LOXL2: variants seen among roughly 807,000 people sequenced by gnomAD.
LOXL2 encodes the protein lysyl oxidase like 2, also known as lysyl oxidase homolog 2.
LOXL2 carries 70 observed loss-of-function variants against 93.0 expected under a neutral mutation model. The observed-to-expected ratio is 0.75, with a 90% CI of 0.62 to 0.92. The LOEUF is 0.92. Ranked by LOEUF, LOXL2 falls within the 40% of genes least tolerant of loss-of-function variation. The pLI is 0.00. For missense variants in LOXL2, 973 were observed against 1,054.9 expected (o/e 0.92, Z 1.08); for synonymous variants, 438 against 413.2 (o/e 1.06, Z -0.73).
At chr8:23,331,552 T>A (rs547783327) in intron 5 of LOXL2, 1 of 152,220 alleles carries the variant, frequency 6.6e-6, no homozygotes, top group East Asian at 1.9e-4. Flanking sequence ...CTCCCTCTCC[T>A]CTTCCCAGTT....
chr8:23,402,251 A>G (rs1351696563), intron 1 of LOXL2, among the ~76,000 whole-genome samples: 1 of 151,736 alleles, frequency 6.6e-6, no homozygotes, highest in Non-Finnish European at 1.5e-5. Flanking sequence ...ACACAAACAC[A>G]CTCGTGTGGA....
intron 3 of LOXL2, among the ~76,000 whole-genome samples, chr8:23,357,697 G>T (rs963232930): frequency 6.6e-5 from 10 of 151,578 alleles, no homozygotes; most frequent in Admixed American, 5.9e-4. Flanking sequence ...ATGCCAAGAA[G>T]GCTGGGTCTT....
intron 1 of LOXL2, among the ~76,000 whole-genome samples, chr8:23,381,001 T>C (rs1488767872): frequency 1.3e-5 from 2 of 151,842 alleles, no homozygotes; most frequent in South Asian, 4.1e-4. Flanking sequence ...AGAGACTCTG[T>C]CTCAGAAAAA....
chr8:23,380,391 CAAAAAAA>C (rs1219621037), intron 1 of LOXL2, among the ~76,000 whole-genome samples: 1 of 54,408 alleles, frequency 1.8e-5, no homozygotes, highest in South Asian at 7.1e-4. Context: ...GACTCCGTCT[CAAAAAAA>C]AAAAAAAAAA....
chr8:23,330,207 G>A (rs1467407842), intron 5 of LOXL2, among the ~76,000 whole-genome samples: 3 of 152,190 alleles, frequency 2.0e-5, no homozygotes, highest in Admixed American at 6.5e-5. Context: ...GGTGGCGGGT[G>A]CCTGTAGTCC....
chr8:23,341,180 G>T lies in LOXL2; in HGVS notation c.555C>A (p.Asp185Glu), dbSNP rs752628030. The change falls in exon 4 of 14, where the codon GAC becomes GAA. Residue 185 changes from aspartate (D) to glutamate (E), a missense_variant. Transcript: ENST00000389131. ...TTGAGAGGATGGCTCGAATCCGAAT[G>T]TCCTCCACCTGGATATTCAGGTTCT... ...QIENLNIQVEDIRIRAILSTY... is the reference protein window; with the variant it reads ...QIENLNIQVEEIRIRAILSTY... 4.3e-6 allele frequency: 7 copies of T among 1,613,136 alleles called. No individual in the cohort carries two copies. Among genetic ancestry groups the T allele is most frequent in the Admixed American group, 3.3e-5 (2 of 59,994 alleles).
Position 23,337,104 on chromosome 8 carries a change from C to T in LOXL2, c.744-3481G>A, listed in dbSNP as rs533245651. 8 of 152,314 alleles carry T rather than the reference C, an allele frequency of 5.3e-5. No homozygotes were observed. In the East Asian group the frequency reaches 1.3e-3, roughly 26 times the overall value. The allele number at this position is 152,314 out of a possible 1,614,324, so 9.4% of individuals were successfully genotyped here. On this transcript the variant is annotated intron_variant, in intron 4 of 13. Transcript: ENST00000389131. ...ACAGATTAAGTACGAACTTAGTAGGCTTCCTGTCTATTTCACTTCGAGGAA... is the reference window on the plus strand; with the variant it reads ...ACAGATTAAGTACGAACTTAGTAGGTTTCCTGTCTATTTCACTTCGAGGAA...
intron 3 of LOXL2, among the ~76,000 whole-genome samples, chr8:23,355,540 T>TTTTTTTC (rs1804182657): frequency 7.6e-6 from 1 of 132,364 alleles, no homozygotes; most frequent in Non-Finnish European, 1.6e-5. Flanking sequence ...TTTTTTTTTT[T>TTTTTTTC]AGCAGCCCTA....
chr8:23,318,056 G>GCTTA (rs1019460926), intron 8 of LOXL2, among the ~76,000 whole-genome samples: 1 of 131,736 alleles, frequency 7.6e-6, no homozygotes, highest in Non-Finnish European at 1.7e-5. Flanking sequence ...TATTCTAGAT[G>GCTTA]CTTACGTGAG....
At chr8:23,382,809 T>G (rs528914189) in intron 1 of LOXL2, among the ~76,000 whole-genome samples, 10 of 152,206 alleles carry the variant, frequency 6.6e-5, no homozygotes, top group Non-Finnish European at 1.3e-4. Flanking sequence ...AACTCCGTAA[T>G]GCTTCCTGCC....
intron 2 of LOXL2, among the ~76,000 whole-genome samples, chr8:23,367,420 C>A (rs1804421298): frequency 6.6e-6 from 1 of 152,046 alleles, no homozygotes; most frequent in Non-Finnish European, 1.5e-5. Context: ...ATAGGCTAAC[C>A]AACGGTGAAA....
At chr8:23,323,804 C>T (rs376312603) in intron 6 of LOXL2, among the ~76,000 whole-genome samples, 6 of 152,130 alleles carry the variant, frequency 3.9e-5, no homozygotes, top group South Asian at 2.1e-4. Flanking sequence ...CAGGTTCAAG[C>T]GATTCTTCTG....
At chr8:23,402,096 GCACA>G (rs1405187753) in intron 1 of LOXL2, among the ~76,000 whole-genome samples, 4 of 151,660 alleles carry the variant, frequency 2.6e-5, no homozygotes, top group Non-Finnish European at 4.4e-5. Flanking sequence ...ATGCAAACAT[GCACA>G]CAAACACAAA....
chr8:23,360,058 C>A, intron 3 of LOXL2, 32 bp downstream of exon 3: 2 of 1,575,800 alleles, frequency 1.3e-6, no homozygotes, highest in Non-Finnish European at 1.7e-6. Context: ...AAAATGTTTG[C>A]ATGAAGGAAA....
At chr8:23,344,625 G>A (rs1406404674) in intron 3 of LOXL2, among the ~76,000 whole-genome samples, 1 of 151,938 alleles carries the variant, frequency 6.6e-6, no homozygotes, top group Non-Finnish European at 1.5e-5. Flanking sequence ...ATGTATGCAT[G>A]ACAGGGTTGT....
intron 11 of LOXL2, among the ~76,000 whole-genome samples, chr8:23,302,420 C>G (rs932031830): frequency 6.6e-6 from 1 of 152,310 alleles, no homozygotes; most frequent in East Asian, 1.9e-4. Flanking sequence ...TCCACCCTGG[C>G]CTTTCTGTGA....
chr8:23,354,950 T>TATATATA (rs1491334754), intron 3 of LOXL2, among the ~76,000 whole-genome samples: 77 of 17,910 alleles, frequency 4.3e-3, no homozygotes, highest in African/African-American at 6.4e-3. Context: ...TATATATATA[T>TATATATA]TTTTTTTTTT....
chr8:23,303,115 T>C, intron 11 of LOXL2, among the ~76,000 whole-genome samples, 167 bp downstream of exon 11: 1 of 151,950 alleles, frequency 6.6e-6, no homozygotes, highest in East Asian at 1.9e-4. Context: ...GTCATGCCCA[T>C]GCCCCCAGCG....
chr8:23,389,361 C>T (rs1489651563), intron 1 of LOXL2, among the ~76,000 whole-genome samples: 1 of 152,142 alleles, frequency 6.6e-6, no homozygotes, highest in African/African-American at 2.4e-5. Context: ...CGTTTTGAAT[C>T]ATTTCATCAT....
Sources: allele counts gnomAD v4.1 joint callset (sites outside exome capture counted in the v4.1 genomes callset), GRCh38; gene constraint gnomAD v4.1.1; transcripts MANE v1.5; gene names NCBI Gene and HGNC (gene_info 2026-07-23, HGNC 2026-07-21).